Variants in CDKAL1 observed in about 807,000 individuals in gnomAD.
The protein encoded by CDKAL1 is threonylcarbamoyladenosine tRNA methylthiotransferase.
CDKAL1 carries 32 observed loss-of-function variants against 68.2 expected under a neutral mutation model. The ratio of observed to expected loss-of-function variants is 0.47; its 90% CI spans 0.35 to 0.63. The LOEUF (loss-of-function observed/expected upper bound fraction) is 0.63. Among genes scored for constraint, CDKAL1 ranks in the 30% least tolerant of loss-of-function variants. The pLI, the probability that CDKAL1 is intolerant of heterozygous loss-of-function variation, is 0.00. For synonymous variants in CDKAL1, 234 were observed against 244.3 expected, an observed-to-expected ratio of 0.96 and a Z score of 0.39; for missense variants, 606 against 696.7, an observed-to-expected ratio of 0.87 and a Z score of 1.47.
intron 5 of CDKAL1, among the ~76,000 whole-genome samples, chr6:20,671,174 A>G (rs947324437): frequency 2.6e-5 from 4 of 152,184 alleles, no homozygotes; most frequent in African/African-American, 9.7e-5. Flanking sequence ...AACCCCTCAA[A>G]TGGAATTTTA....
intron 15 of CDKAL1, among the ~76,000 whole-genome samples, chr6:21,219,659 A>G (rs1779464562): frequency 6.6e-6 from 1 of 152,230 alleles, no homozygotes. Flanking sequence ...TATAGAGCTC[A>G]GTGATGCTGA....
intron 13 of CDKAL1, among the ~76,000 whole-genome samples, chr6:21,186,534 T>A (rs1321540752): frequency 6.6e-6 from 1 of 152,242 alleles, no homozygotes; most frequent in Non-Finnish European, 1.5e-5. Flanking sequence ...TCTCCTTGGT[T>A]GCCTGATTTT....
intron 13 of CDKAL1, among the ~76,000 whole-genome samples, chr6:21,191,306 T>C (rs1355662878): frequency 4.6e-5 from 7 of 152,242 alleles, no homozygotes; most frequent in African/African-American, 1.4e-4. Flanking sequence ...GTGTGTGTTT[T>C]ATCTGCACTC....
intron 4 of CDKAL1, among the ~76,000 whole-genome samples, chr6:20,608,830 G>A (rs1175923924): frequency 6.6e-6 from 1 of 152,148 alleles, no homozygotes; most frequent in African/African-American, 2.4e-5. Context: ...AAAAAGATTT[G>A]CATGATATGC....
intron 2 of CDKAL1, among the ~76,000 whole-genome samples, chr6:20,543,097 T>A (rs1292962496): frequency 6.6e-6 from 1 of 152,248 alleles, no homozygotes; most frequent in East Asian, 1.9e-4. Flanking sequence ...GTTTCCAGAT[T>A]TGGGCTATTA....
chr6:20,608,686 G>A (rs951912303), intron 4 of CDKAL1, among the ~76,000 whole-genome samples: 1 of 152,218 alleles, frequency 6.6e-6, no homozygotes, highest in African/African-American at 2.4e-5. Context: ...AACTGGTGTA[G>A]TCAAACAATT....
chr6:20,621,712 G>A (rs921291348), intron 4 of CDKAL1, among the ~76,000 whole-genome samples: 1 of 150,510 alleles, frequency 6.6e-6, no homozygotes, highest in Non-Finnish European at 1.5e-5. Context: ...TTGGCCATTG[G>A]GAGATGACCC....
intron 12 of CDKAL1, among the ~76,000 whole-genome samples, chr6:21,074,860 T>C (rs1771977161): frequency 6.6e-6 from 1 of 152,126 alleles, no homozygotes; most frequent in African/African-American, 2.4e-5. Flanking sequence ...TGTGGTTATA[T>C]GGATGGATTG....
At chr6:21,228,599 T>A (rs897265429) in intron 15 of CDKAL1, among the ~76,000 whole-genome samples, 1 of 152,122 alleles carries the variant, frequency 6.6e-6, no homozygotes, top group South Asian at 2.1e-4. Flanking sequence ...GAATACACAC[T>A]CTCATATTAT....
chr6:21,193,416 T>C (rs1178770251), intron 13 of CDKAL1, among the ~76,000 whole-genome samples: 2 of 152,188 alleles, frequency 1.3e-5, no homozygotes, highest in Non-Finnish European at 2.9e-5. Context: ...CCTACAGATC[T>C]ACCTTCAACA....
intron 5 of CDKAL1, among the ~76,000 whole-genome samples, chr6:20,718,724 A>G (rs1772205553): frequency 6.6e-6 from 1 of 152,196 alleles, no homozygotes; most frequent in Non-Finnish European, 1.5e-5. Context: ...GCTAATTTTC[A>G]ATTCTGCTGG....
chr6:21,071,317 A>G lies in CDKAL1; in HGVS notation c.1236+6089A>G, dbSNP rs137922912. On this transcript the variant is annotated intron_variant, in intron 12 of 15. Transcript: ENST00000274695. The stretch of plus-strand genomic sequence containing the variant: ...TTCTCACAAGATCTGATGGTTTTAT[A>G]AGGGGCTCTTCCCTCTTGACTCTCC... Among the ~76,000 whole-genome samples, 265 of 152,080 alleles carry G rather than the reference A, an allele frequency of 1.7e-3. 1 individual carries two copies. Among genetic ancestry groups the G allele is most frequent in the Middle Eastern group, 6.8e-3 (2 of 294 alleles).
intron 10 of CDKAL1, among the ~76,000 whole-genome samples, chr6:20,962,137 A>G (rs1178610375): frequency 6.6e-6 from 1 of 152,238 alleles, no homozygotes; most frequent in African/African-American, 2.4e-5. Flanking sequence ...CAAGTTATAT[A>G]TTTTTAAACA....
intron 12 of CDKAL1, among the ~76,000 whole-genome samples, chr6:21,107,400 G>A (rs1045546240): frequency 5.3e-5 from 8 of 151,980 alleles, no homozygotes; most frequent in South Asian, 2.1e-4. Context: ...TGAAAAGAGC[G>A]TTCTCTTTCT....
intron 4 of CDKAL1, among the ~76,000 whole-genome samples, chr6:20,549,984 AATTTTTTTTTTTTAGACAGAGTCTCGC>A (rs1763753987): frequency 7.1e-6 from 1 of 141,244 alleles, no homozygotes; most frequent in South Asian, 2.2e-4. Context: ...TAATTAATTA[AATTTTTTTTTTTTAGACAGAGTCTCGC>A]TTTGTTGCCC....
intron 11 of CDKAL1, among the ~76,000 whole-genome samples, chr6:21,056,307 T>A (rs1216387923): frequency 2.0e-5 from 3 of 152,218 alleles, no homozygotes; most frequent in African/African-American, 7.2e-5. Context: ...TGTTCATTCA[T>A]GATTTGGCTC....
At chr6:21,093,694 C>CTTTTTTTTTTTTTTTTTTTTTTTTTT (rs547923386) in intron 12 of CDKAL1, among the ~76,000 whole-genome samples, 1 of 88,086 alleles carries the variant, frequency 1.1e-5, no homozygotes, top group African/African-American at 4.6e-5. Context: ...GCTGCTGCTG[C>CTTTTTTTTTTTTTTTTTTTTTTTTTT]TTTTTTTTTT....
chr6:21,208,410 G>A (rs1779022929), intron 15 of CDKAL1, among the ~76,000 whole-genome samples: 1 of 152,146 alleles, frequency 6.6e-6, no homozygotes, highest in South Asian at 2.1e-4. Flanking sequence ...GGGTCTATTA[G>A]TTCAAGGCCA....
intron 8 of CDKAL1, among the ~76,000 whole-genome samples, chr6:20,787,771 T>C (rs1775736815): frequency 6.6e-6 from 1 of 152,190 alleles, no homozygotes; most frequent in African/African-American, 2.4e-5. Flanking sequence ...CAGTTAACTA[T>C]AGATTGTTGG....
Sources: gnomAD v4.1 joint callset for allele counts (sites outside exome capture counted in the v4.1 genomes callset) on GRCh38, gnomAD v4.1.1 for gene constraint, MANE v1.5 for transcripts, NCBI Gene and HGNC (gene_info 2026-07-23, HGNC 2026-07-21) for gene names.